RBM25: variants seen among roughly 807,000 people sequenced by gnomAD.
RBM25 encodes RNA-binding protein 25.
A neutral mutation model predicts 120.7 loss-of-function variants in RBM25; 19 were observed. That is an observed-to-expected ratio of 0.16 (90% CI 0.11 to 0.23). RBM25 has a LOEUF of 0.23. RBM25 is among the 10% of genes least tolerant of loss of function. The pLI, the probability that RBM25 is intolerant of heterozygous loss-of-function variation, is 1.00. For missense variants in RBM25, 605 were observed against 1,041.5 expected, an observed-to-expected ratio of 0.58 and a Z score of 5.77; for synonymous variants, 390 against 326.7, an observed-to-expected ratio of 1.19 and a Z score of -2.09.
chr14:73,090,465 G>A (rs56734867), intron 6 of RBM25, among the ~76,000 whole-genome samples: 1,766 of 152,210 alleles, frequency 0.012, 31 homozygotes, highest in African/African-American at 0.038. Flanking sequence ...CTTCCCTTTT[G>A]CTTTGCTGGC....
chr14:73,068,593 A>C (rs897949379), intron 1 of RBM25: 1 of 529,054 alleles, frequency 1.9e-6, no homozygotes, highest in African/African-American at 1.9e-5. Context: ...AGATCTGACC[A>C]TGGCTCTGAG....
intron 2 of RBM25, 38 bp downstream of exon 2, chr14:73,071,785 T>C: frequency 6.7e-7 from 1 of 1,494,048 alleles, no homozygotes; most frequent in Non-Finnish European, 9.3e-7. Flanking sequence ...GTTAAACTTG[T>C]ACTTTTGTCT....
intron 5 of RBM25, among the ~76,000 whole-genome samples, chr14:73,086,790 T>C (rs552958013): frequency 2.0e-5 from 3 of 152,260 alleles, no homozygotes; most frequent in African/African-American, 7.2e-5. Context: ...CTGCAACTTC[T>C]GCCTCCCGGG....
chr14:73,116,856 A>T (rs1896438019), intron 18 of RBM25, among the ~76,000 whole-genome samples: 1 of 152,202 alleles, frequency 6.6e-6, no homozygotes. Context: ...AGAGGAAACC[A>T]GTTGAGCTAG....
rs72346306 is a variant in RBM25 at position 73,103,905 on chromosome 14, G to GTCTCTC, written c.1154+466_1154+471dup. Among the ~76,000 whole-genome samples the GTCTCTC allele has an allele frequency of 5.2e-3, 479 of 91,654 alleles. 1 individual carries two copies. Among genetic ancestry groups the GTCTCTC allele is most frequent in the Non-Finnish European group, 7.6e-3 (341 of 45,022 alleles). The allele number at this position is 91,654 out of a possible 152,430, so 60.1% of individuals were successfully genotyped here. A position where few individuals can be genotyped will look rare whatever the true frequency, so the allele number is the denominator to read the frequency against. On this transcript the variant is annotated intron_variant, in intron 10 of 18. Transcript: ENST00000261973. ...TCTTTGTCTGTCTGTCTGTCTGTCT[G>GTCTCTC]TCTCTCTCTCTCTCTCTCTCTCTCT...
intron 6 of RBM25, among the ~76,000 whole-genome samples, chr14:73,092,269 G>A (rs1895835465): frequency 6.6e-6 from 1 of 150,542 alleles, no homozygotes; most frequent in South Asian, 2.1e-4. Context: ...AGCAGGGGGA[G>A]GGGAGAAGAT....
At chr14:73,079,655 G>A (rs1466407361) in intron 4 of RBM25, among the ~76,000 whole-genome samples, 1 of 150,336 alleles carries the variant, frequency 6.7e-6, no homozygotes, top group Non-Finnish European at 1.5e-5. Flanking sequence ...GAGATGCTGG[G>A]CAATTACTTT....
rs1896526809 is a variant in RBM25, at chr14:73,120,824, A to C, written c.*1019A>C. On this transcript the variant is annotated 3_prime_UTR_variant, in exon 19 of 19. Coordinates refer to ENST00000261973, the MANE Select transcript of RBM25 (RefSeq NM_021239.3). ...TTGACAGACAGTGAGAGTTTTACAA[A>C]CATGATAGGTATTCTGCTCGGCAAT... 1 of 152,226 alleles carries C rather than the reference A, an allele frequency of 6.6e-6. No individual in the cohort carries two copies. The highest frequency in any genetic ancestry group is 2.1e-4 in the South Asian group (1 of 4,832). 9.4% of individuals were successfully genotyped at this position (152,226 alleles called of 1,614,324 possible). A position where few individuals can be genotyped will look rare whatever the true frequency, so the allele number is the denominator to read the frequency against.
chr14:73,118,400 C>A (rs965158477), intron 18 of RBM25, among the ~76,000 whole-genome samples: 81 of 151,642 alleles, frequency 5.3e-4, no homozygotes, highest in African/African-American at 1.9e-3. Flanking sequence ...ATCACTTGAG[C>A]CTGGGAGGTC....
At chr14:73,115,153 C>CGTGTGT (rs33924709) in intron 18 of RBM25, among the ~76,000 whole-genome samples, 6,364 of 146,752 alleles carry the variant, frequency 0.043, 210 homozygotes, top group Admixed American at 0.083. Flanking sequence ...GGAACTGATA[C>CGTGTGT]GTGTGTGTGT....
chr14:73,104,033 A>G (rs1431305808), intron 10 of RBM25, among the ~76,000 whole-genome samples: 2 of 149,980 alleles, frequency 1.3e-5, no homozygotes, highest in East Asian at 3.9e-4. Flanking sequence ...GGGTAAAAGT[A>G]ATAATTTTCA....
At chr14:73,059,076 C>G (rs1257828607) in intron 1 of RBM25, among the ~76,000 whole-genome samples, 1 of 152,148 alleles carries the variant, frequency 6.6e-6, no homozygotes, top group East Asian at 1.9e-4. Flanking sequence ...CCCTGAGCCC[C>G]CTTACTTACC....
chr14:73,107,949 G>A (rs924292625), intron 13 of RBM25, 50 bp downstream of exon 13: 4 of 1,319,012 alleles, frequency 3.0e-6, no homozygotes, highest in African/African-American at 3.0e-5. Flanking sequence ...TATTAGCTGT[G>A]TTTTTCCATC....
chr14:73,084,336 CAG>C (rs539932223), intron 5 of RBM25, among the ~76,000 whole-genome samples: 144 of 152,216 alleles, frequency 9.5e-4, no homozygotes, highest in Non-Finnish European at 1.7e-3. Context: ...GCTAACTGGC[CAG>C]ACTCTTAATA....
chr14:73,080,705 C>T (rs1002180435), intron 4 of RBM25, among the ~76,000 whole-genome samples: 4 of 152,080 alleles, frequency 2.6e-5, no homozygotes, highest in African/African-American at 9.7e-5. Context: ...TCCCTACTTC[C>T]TTACAGGTGT....
intron 14 of RBM25, among the ~76,000 whole-genome samples, 164 bp from the exon 15 acceptor site, chr14:73,110,667 G>T (rs1472439117): frequency 6.6e-6 from 1 of 152,040 alleles, no homozygotes; most frequent in Non-Finnish European, 1.5e-5. Flanking sequence ...GACCTCAGAT[G>T]ATCTGCCCAC....
At chr14:73,066,908 G>A (rs901199131) in intron 1 of RBM25, among the ~76,000 whole-genome samples, 2 of 151,952 alleles carry the variant, frequency 1.3e-5, no homozygotes, top group Non-Finnish European at 2.9e-5. Context: ...TGAAATAAGA[G>A]TATATTTTAC....
chr14:73,097,363 G>A (rs1895970533), intron 7 of RBM25, among the ~76,000 whole-genome samples: 1 of 151,868 alleles, frequency 6.6e-6, no homozygotes, highest in African/African-American at 2.4e-5. Context: ...ACCATGCCCG[G>A]CTAATTTTTT....
At chr14:73,068,062 A>AG (rs1895184259) in intron 1 of RBM25, 4 of 521,870 alleles carry the variant, frequency 7.7e-6, no homozygotes, top group Non-Finnish European at 1.4e-5. Flanking sequence ...GTTTAGCGTG[A>AG]GCAGTGATCA....
Sources: gnomAD v4.1 joint callset for allele counts (sites outside exome capture counted in the v4.1 genomes callset) on GRCh38, gnomAD v4.1.1 for gene constraint, MANE v1.5 for transcripts, NCBI Gene and HGNC (gene_info 2026-07-23, HGNC 2026-07-21) for gene names.